KCNC2: variants seen among roughly 807,000 people sequenced by gnomAD.
KCNC2 encodes the protein potassium voltage-gated channel subfamily C member 2, also known as voltage-gated potassium channel KCNC2.
KCNC2 carries 21 observed loss-of-function variants against 44.5 expected under a neutral mutation model. The ratio of observed to expected loss-of-function variants is 0.47; its 90% CI spans 0.33 to 0.68. The LOEUF (loss-of-function observed/expected upper bound fraction) is 0.68. Among genes scored for constraint, KCNC2 ranks in the 30% least tolerant of loss-of-function variants. KCNC2 has a pLI of 0.01. For synonymous variants in KCNC2, 391 were observed against 339.1 expected (o/e 1.15, Z -1.68); for missense variants, 589 against 826.2 (o/e 0.71, Z 3.52).
At chr12:75,108,772 GT>G (rs1232862019) in intron 2 of KCNC2, among the ~76,000 whole-genome samples, 2 of 152,090 alleles carry the variant, frequency 1.3e-5, no homozygotes, top group African/African-American at 4.8e-5. Context: ...GGCTAAGATA[GT>G]TTTTTTGTTC....
chr12:75,051,783 G>T (rs1308913858), intron 2 of KCNC2, among the ~76,000 whole-genome samples: 1 of 151,974 alleles, frequency 6.6e-6, no homozygotes, highest in Non-Finnish European at 1.5e-5. Flanking sequence ...TTTAACTGTA[G>T]ATTTGTATTC....
intron 2 of KCNC2, among the ~76,000 whole-genome samples, chr12:75,059,558 T>C (rs1268006809): frequency 1.3e-5 from 2 of 152,142 alleles, no homozygotes; most frequent in African/African-American, 4.8e-5. Context: ...CTCTTTTAAA[T>C]GATTTTCCTT....
At chr12:75,078,337 A>G (rs1209425261) in intron 2 of KCNC2, among the ~76,000 whole-genome samples, 8 of 152,166 alleles carry the variant, frequency 5.3e-5, no homozygotes, top group Admixed American at 5.2e-4. Flanking sequence ...AAAGTAGTTT[A>G]ACTTCCACCT....
At chr12:75,109,016 G>A (rs936789740) in intron 2 of KCNC2, among the ~76,000 whole-genome samples, 3 of 152,168 alleles carry the variant, frequency 2.0e-5, no homozygotes, top group African/African-American at 7.2e-5. Context: ...TTAGAGTCTT[G>A]CCAAATTGGA....
chr12:75,205,582 C>T (rs993986752), intron 2 of KCNC2, among the ~76,000 whole-genome samples: 6 of 152,008 alleles, frequency 3.9e-5, no homozygotes, highest in Admixed American at 1.3e-4. Flanking sequence ...TGCAATCTGG[C>T]CTACAATAAG....
chr12:75,183,327 C>T (rs1052100826), intron 2 of KCNC2, among the ~76,000 whole-genome samples: 10 of 152,124 alleles, frequency 6.6e-5, no homozygotes, highest in African/African-American at 9.7e-5. Context: ...TTGTGCTAAG[C>T]GAAGACGTGC....
chr12:75,060,696 C>G (rs1882230872), intron 2 of KCNC2, among the ~76,000 whole-genome samples: 1 of 152,046 alleles, frequency 6.6e-6, no homozygotes, highest in Admixed American at 6.6e-5. Flanking sequence ...GCCTTGAACT[C>G]CTGAGCTCAA....
chr12:75,128,144 T>A (rs1888569212), intron 2 of KCNC2, among the ~76,000 whole-genome samples: 1 of 152,118 alleles, frequency 6.6e-6, no homozygotes, highest in South Asian at 2.1e-4. Context: ...TAGAAATATA[T>A]TCAACATAAA....
At chr12:75,138,754 T>G (rs971025703) in intron 2 of KCNC2, among the ~76,000 whole-genome samples, 1 of 151,544 alleles carries the variant, frequency 6.6e-6, no homozygotes, top group Non-Finnish European at 1.5e-5. Context: ...GCCGAGGCGG[T>G]CAGATCACGA....
intron 2 of KCNC2, among the ~76,000 whole-genome samples, chr12:75,196,322 A>C (rs1310560523): frequency 2.0e-5 from 3 of 152,150 alleles, no homozygotes; most frequent in Admixed American, 1.3e-4. Flanking sequence ...ACAACTGCCC[A>C]GACAGTCATT....
chr12:75,107,774 T>C (rs1004367422), intron 2 of KCNC2, among the ~76,000 whole-genome samples: 2 of 152,184 alleles, frequency 1.3e-5, no homozygotes, highest in African/African-American at 4.8e-5. Flanking sequence ...TCCTAAGTCA[T>C]TAATTTTACT....
chr12:75,043,321 A>G, intron 4 of KCNC2, 80 bp from the exon 5 acceptor site: 1 of 1,534,128 alleles, frequency 6.5e-7, no homozygotes, highest in Non-Finnish European at 8.8e-7. Flanking sequence ...AGGGCAATCA[A>G]AAGTGCTACT....
intron 2 of KCNC2, among the ~76,000 whole-genome samples, chr12:75,199,626 TACA>T (rs1308188899): frequency 6.6e-5 from 10 of 151,870 alleles, no homozygotes; most frequent in Non-Finnish European, 1.3e-4. Flanking sequence ...TTACTGACCT[TACA>T]ACAACATTTA....
intron 2 of KCNC2, among the ~76,000 whole-genome samples, chr12:75,187,379 C>T (rs1433387366): frequency 6.6e-6 from 1 of 152,230 alleles, no homozygotes; most frequent in Non-Finnish European, 1.5e-5. Context: ...TTGGAACTTA[C>T]TTCAAATGAC....
chr12:75,126,536 G>A (rs952211316), intron 2 of KCNC2, among the ~76,000 whole-genome samples: 3 of 152,062 alleles, frequency 2.0e-5, no homozygotes, highest in South Asian at 4.1e-4. Context: ...ATTTCCACAG[G>A]ATGTTATGGA....
chr12:75,207,976 T>C lies in KCNC2; in HGVS notation c.8A>G (p.Lys3Arg). The C allele has an allele frequency of 1.9e-6, 3 of 1,612,368 alleles. No homozygotes were observed. Among genetic ancestry groups the C allele is most frequent in the Non-Finnish European group, 2.5e-6 (3 of 1,179,794 alleles). The change falls in exon 2 of 5, where the codon AAG becomes AGG. Residue 3 changes from lysine to arginine, a missense_variant. By Grantham distance (26) the Lys-to-Arg change is conservative. Transcript: ENST00000549446. The surrounding 1 kb of genome is among the most constrained non-coding windows in gnomAD (Gnocchi z 4.1). ...GATCACCCTCTCGTTGTTCTCGATC[T>C]TGCCCATCTCTGTGACTCAGACATG... MG[K>R]IENNERVILN...
intron 2 of KCNC2, among the ~76,000 whole-genome samples, chr12:75,086,964 CA>C (rs1243443543): frequency 1.3e-5 from 2 of 151,878 alleles, no homozygotes; most frequent in East Asian, 1.9e-4. Context: ...AGTTATTCAA[CA>C]AAAAATAAAT....
chr12:75,207,239 T>C lies in KCNC2; in HGVS notation c.687+58A>G, dbSNP rs1456188750. 8 of 1,499,498 alleles carry C rather than the reference T, an allele frequency of 5.3e-6. No homozygotes were observed. The South Asian group carries it at 1.0e-4, about 19-fold the overall frequency. The allele number at this position is 1,499,498 out of a possible 1,614,324, so 92.9% of individuals were successfully genotyped here. ...CCCTGGGGTGGAAAAGAACAGAAAG[T>C]TGGGGAGGGAGTTGGGAGAAGTTGA... On this transcript the variant is annotated intron_variant, in intron 2 of 4. Coordinates refer to ENST00000549446, the MANE Select transcript of KCNC2 (RefSeq NM_139137.4). The surrounding 1 kb of genome is among the most constrained non-coding windows in gnomAD (Gnocchi z 4.1).
At chr12:75,130,783 A>AT (rs200906825) in intron 2 of KCNC2, among the ~76,000 whole-genome samples, 1,515 of 138,068 alleles carry the variant, frequency 0.011, 20 homozygotes, top group African/African-American at 0.044. Context: ...CCTAGTAATA[A>AT]AAAAAAAAAA....
Sources: gnomAD v4.1 joint callset for allele counts (sites outside exome capture counted in the v4.1 genomes callset) on GRCh38, gnomAD v4.1.1 for gene constraint, Gnocchi (gnomAD v3.1) non-coding constraint, MANE v1.5 for transcripts, NCBI Gene and HGNC (gene_info 2026-07-23, HGNC 2026-07-21) for gene names.